Variants in ZNF451 observed in about 807,000 individuals in gnomAD.
ZNF451 encodes E3 SUMO-protein ligase ZNF451.
Under a neutral mutation model 107.1 loss-of-function variants are expected in ZNF451, and 80 were observed. That is an observed-to-expected ratio of 0.75 (90% CI 0.62 to 0.90). The LOEUF is 0.90. ZNF451 is among the 40% of genes least tolerant of loss of function. The pLI is 0.00. For missense variants in ZNF451, 1,107 were observed against 1,236.2 expected (o/e 0.90, Z 1.57); for synonymous variants, 362 against 406.5 (o/e 0.89, Z 1.32).
chr6:57,107,471 T>C, intron 3 of ZNF451: 1 of 985,408 alleles, frequency 1.0e-6, no homozygotes, highest in Non-Finnish European at 1.2e-6. Context: ...CTTTTAGTGC[T>C]ACCTTGTTTA....
rs774957029 is a variant in ZNF451, at chr6:57,099,048, T to C, written c.106-13T>C. 4 of 1,610,034 alleles carry C rather than the reference T, an allele frequency of 2.5e-6. No homozygotes were observed. In the South Asian group the frequency reaches 3.3e-5, roughly 13 times the overall value. On this transcript the variant is annotated splice_polypyrimidine_tract_variant and intron_variant, in intron 2 of 14. Transcript: ENST00000370706. Reference sequence around the variant, plus strand: ...ACTGTTAATGACTTCTAAATTTGCTTGATTGTTTATAGGAAGGACCATTAC... The same window carrying C: ...ACTGTTAATGACTTCTAAATTTGCTCGATTGTTTATAGGAAGGACCATTAC...
intron 7 of ZNF451, among the ~76,000 whole-genome samples, chr6:57,137,942 TC>T (rs1053502388): frequency 2.0e-5 from 3 of 152,240 alleles, no homozygotes; most frequent in African/African-American, 7.2e-5. Flanking sequence ...TCATTTCTTT[TC>T]ATTGCCAAAT....
chr6:57,141,042 A>G (rs1217415239), intron 7 of ZNF451, among the ~76,000 whole-genome samples: 3 of 152,182 alleles, frequency 2.0e-5, no homozygotes, highest in Non-Finnish European at 4.4e-5. Flanking sequence ...ACTATATAGA[A>G]AGCAAATGTT....
At position 57,158,320 on chromosome 6, in the gene ZNF451, A is replaced by G. The variant is rs148284837; in HGVS notation, c.3071-2764A>G. ...TGCAGAGTTTATATAAAGATATCAA[A>G]CAAGTTTTTTATTTTTAAATAACAT... On this transcript the variant is annotated intron_variant, in intron 13 of 14. Coordinates refer to ENST00000370706, the MANE Select transcript of ZNF451 (RefSeq NM_001031623.3). Among the ~76,000 whole-genome samples, 67 of 152,228 alleles carry G rather than the reference A, an allele frequency of 4.4e-4. No individual in the cohort carries two copies. In the East Asian group the frequency reaches 8.7e-3, roughly 20 times the overall value.
At chr6:57,109,029 T>G in intron 3 of ZNF451, 2 of 985,412 alleles carry the variant, frequency 2.0e-6, no homozygotes, top group Non-Finnish European at 2.4e-6. Context: ...AATCTTTTCA[T>G]TTTCTGAACT....
At chr6:57,106,523 C>T (rs1829868923) in intron 3 of ZNF451, 1 of 819,860 alleles carries the variant, frequency 1.2e-6, no homozygotes. Flanking sequence ...TCAGGCTGGT[C>T]TCAAACTCCT....
chr6:57,134,667 C>T, intron 6 of ZNF451, 77 bp from the exon 7 acceptor site: 1 of 1,390,212 alleles, frequency 7.2e-7, no homozygotes, highest in Non-Finnish European at 9.9e-7. Context: ...TGTTTAGCTT[C>T]ACAAATGAAG....
At chr6:57,106,073 A>T (rs933941218) in intron 3 of ZNF451, 1 of 985,228 alleles carries the variant, frequency 1.0e-6, no homozygotes, top group African/African-American at 1.7e-5. Flanking sequence ...GACCTGATTG[A>T]TAATGTCCTT....
intron 2 of ZNF451, among the ~76,000 whole-genome samples, chr6:57,095,737 T>C (rs1829265419): frequency 6.6e-6 from 1 of 152,202 alleles, no homozygotes; most frequent in East Asian, 1.9e-4. Flanking sequence ...GGTTTAATGG[T>C]TCACTGCAAG....
intron 2 of ZNF451, among the ~76,000 whole-genome samples, chr6:57,097,859 T>C (rs909284276): frequency 5.3e-5 from 8 of 152,214 alleles, no homozygotes; most frequent in African/African-American, 1.9e-4. Flanking sequence ...AGTTATACTA[T>C]TGGCATTACT....
chr6:57,110,921 T>A (rs901406030), intron 3 of ZNF451, among the ~76,000 whole-genome samples: 7 of 151,768 alleles, frequency 4.6e-5, no homozygotes, highest in Non-Finnish European at 8.8e-5. Flanking sequence ...TTTTTTTCCT[T>A]CTTTTTCCCT....
intron 11 of ZNF451, 143 bp downstream of exon 11, chr6:57,151,005 C>A: frequency 1.0e-6 from 1 of 998,158 alleles, no homozygotes; most frequent in Non-Finnish European, 1.4e-6. Flanking sequence ...AGTTACTCTG[C>A]TAGAATCGTT....
chr6:57,100,110 G>A (rs1009337212), intron 3 of ZNF451, among the ~76,000 whole-genome samples: 9 of 152,148 alleles, frequency 5.9e-5, no homozygotes, highest in African/African-American at 1.9e-4. Flanking sequence ...CGTGGACAGT[G>A]AATGACAGAA....
chr6:57,147,850 G>A lies in ZNF451; in HGVS notation c.1765G>A (p.Ala589Thr), dbSNP rs1562622105. 2 of 1,614,120 alleles carry A rather than the reference G, an allele frequency of 1.2e-6. No homozygotes were observed. Among genetic ancestry groups the A allele is most frequent in the Non-Finnish European group, 1.7e-6 (2 of 1,179,980 alleles). Residue 589 changes from alanine (A) to threonine (T), a missense_variant, in exon 10 of 15, where the codon GCT (alanine) becomes ACT (threonine). Physicochemically the swap from Ala to Thr is moderately conservative, Grantham distance 58. Around this residue, in one of 5 missense-constraint regions of ZNF451, gnomAD observed 608 missense variants for 649.2 expected, o/e 0.94. Coordinates refer to ENST00000370706, the MANE Select transcript of ZNF451 (RefSeq NM_001031623.3). ...DNLTANKPSS[A>T]ITVIDHSPAN... ...TTTGACTGCTAACAAGCCTTCATCA[G>A]CTATTACTGTTATTGATCATTCCCC... is the stretch of plus-strand genomic sequence containing the variant.
intron 3 of ZNF451, among the ~76,000 whole-genome samples, chr6:57,121,203 G>T (rs946310410): frequency 2.6e-5 from 4 of 151,998 alleles, no homozygotes; most frequent in Non-Finnish European, 5.9e-5. Flanking sequence ...TTATTTATGT[G>T]GGTCTATTTC....
At chr6:57,124,427 A>AG (rs1310861467) in intron 3 of ZNF451, 1 of 715,858 alleles carries the variant, frequency 1.4e-6, no homozygotes, top group Admixed American at 2.0e-5. Flanking sequence ...CTCCAATTTT[A>AG]GGGGTCGGCG....
chr6:57,117,322 G>A (rs1402745025), intron 3 of ZNF451, among the ~76,000 whole-genome samples: 1 of 45,512 alleles, frequency 2.2e-5, no homozygotes, highest in Non-Finnish European at 4.0e-5. Context: ...TTGGATTTTA[G>A]AGCATTTTTT....
chr6:57,162,344 G>A (rs2042872337), intron 14 of ZNF451, among the ~76,000 whole-genome samples: 1 of 152,186 alleles, frequency 6.6e-6, no homozygotes, highest in African/African-American at 2.4e-5. Context: ...GCTATTAGGA[G>A]TTTGGGAAAT....
At chr6:57,150,505 C>A in intron 10 of ZNF451, 1 of 405,106 alleles carries the variant, frequency 2.5e-6, no homozygotes, top group Non-Finnish European at 4.2e-6. Flanking sequence ...GATATATAAC[C>A]AAAATTGGTG....
Sources: gnomAD v4.1 joint callset for allele counts (sites outside exome capture counted in the v4.1 genomes callset) on GRCh38, gnomAD v4.1.1 for gene constraint, gnomAD v4.1.1 regional missense constraint, MANE v1.5 for transcripts, NCBI Gene and HGNC (gene_info 2026-07-23, HGNC 2026-07-21) for gene names.